The following DGKI variants were observed in gnomAD, a reference collection of about 807,000 sequenced individuals.
DGKI encodes DAG kinase iota.
Under a neutral mutation model 147.5 loss-of-function variants are expected in DGKI, and 55 were observed. That is an observed-to-expected ratio of 0.37 (90% CI 0.30 to 0.47). DGKI has a LOEUF of 0.47. Ranked by LOEUF, DGKI falls within the 20% of genes least tolerant of loss-of-function variation. DGKI has a pLI of 1.00. For missense variants in DGKI, 1,007 were observed against 1,323.8 expected, an observed-to-expected ratio of 0.76 and a Z score of 3.71; for synonymous variants, 469 against 477.1, an observed-to-expected ratio of 0.98 and a Z score of 0.22.
At position 137,831,397 on chromosome 7, in the gene DGKI, G is replaced by A. The variant is rs543739949; in HGVS notation, c.401+15065C>T. On this transcript the variant is annotated intron_variant, in intron 1 of 32. Transcript: ENST00000614521. ...CTGGACTTACAGTTCCACGTGGTTGGGGAGGCCTCACAATCGTGGCAGACG... is the reference window on the plus strand; with the variant it reads ...CTGGACTTACAGTTCCACGTGGTTGAGGAGGCCTCACAATCGTGGCAGACG... Among the ~76,000 whole-genome samples, 2 of 152,336 alleles carry A rather than the reference G, an allele frequency of 1.3e-5. 1 individual carries two copies. The highest frequency in any genetic ancestry group is 4.8e-5 in the African/African-American group (2 of 41,574).
At chr7:137,497,178 A>G (rs1815999469) in intron 21 of DGKI, among the ~76,000 whole-genome samples, 1 of 152,162 alleles carries the variant, frequency 6.6e-6, no homozygotes, top group Non-Finnish European at 1.5e-5. Context: ...CCGGCAATCA[A>G]TCATAGAAAA....
intron 1 of DGKI, among the ~76,000 whole-genome samples, chr7:137,739,833 G>T (rs1364830265): frequency 6.6e-6 from 1 of 152,156 alleles, no homozygotes; most frequent in Admixed American, 6.6e-5. Context: ...CCACTTTCCA[G>T]TTTATTTTTG....
At chr7:137,433,647 C>T (rs1296512769) in intron 28 of DGKI, among the ~76,000 whole-genome samples, 1 of 152,146 alleles carries the variant, frequency 6.6e-6, no homozygotes, top group African/African-American at 2.4e-5. Context: ...TAACAATAGG[C>T]ACAATTCAAT....
At position 137,642,263 on chromosome 7, in the gene DGKI, G is replaced by A. The variant is rs532185851; in HGVS notation, c.804+3209C>T. On this transcript the variant is annotated intron_variant, in intron 6 of 32. Transcript: ENST00000614521. ...TTTGGCCACTAGAACATGAAGATAT[G>A]TGGAGCTGGGTATCTACTGGGTATC... is the stretch of plus-strand genomic sequence containing the variant. Among the ~76,000 whole-genome samples, 10 of 144,454 alleles carry A rather than the reference G, an allele frequency of 6.9e-5. No individual in the cohort carries two copies. In the East Asian group the frequency reaches 1.9e-3, roughly 28 times the overall value. 94.8% of individuals were successfully genotyped at this position (144,454 alleles called of 152,430 possible).
chr7:137,528,530 A>T (rs1432913194), intron 20 of DGKI, among the ~76,000 whole-genome samples: 1 of 152,156 alleles, frequency 6.6e-6, no homozygotes, highest in Admixed American at 6.5e-5. Context: ...TTCTTTTTTG[A>T]TGGAAGTTGA....
At chr7:137,841,971 G>A (rs116563996) in intron 1 of DGKI, among the ~76,000 whole-genome samples, 388 of 152,304 alleles carry the variant, frequency 2.5e-3, no homozygotes, top group African/African-American at 7.3e-3. Flanking sequence ...AGATCACTTA[G>A]AGCAGAATAA....
chr7:137,776,298 A>G (rs1203569018), intron 1 of DGKI, among the ~76,000 whole-genome samples: 2 of 152,234 alleles, frequency 1.3e-5, no homozygotes, highest in Non-Finnish European at 2.9e-5. Flanking sequence ...GCATCAAACA[A>G]AAGATTATAC....
intron 8 of DGKI, among the ~76,000 whole-genome samples, chr7:137,617,504 C>A (rs1820576276): frequency 6.6e-6 from 1 of 151,830 alleles, no homozygotes; most frequent in Admixed American, 6.6e-5. Flanking sequence ...TTAATGCTAT[C>A]TTTTACAGAA....
chr7:137,797,286 C>T (rs188511817), intron 1 of DGKI, among the ~76,000 whole-genome samples: 11 of 152,214 alleles, frequency 7.2e-5, no homozygotes, highest in African/African-American at 4.8e-5. Context: ...ATCCATCCTA[C>T]AAGAAATACT....
intron 30 of DGKI, among the ~76,000 whole-genome samples, chr7:137,403,417 A>G (rs1315397495): frequency 1.3e-5 from 2 of 152,192 alleles, no homozygotes; most frequent in Non-Finnish European, 2.9e-5. Context: ...TAGAAGAGAA[A>G]TCAGTTGCTG....
chr7:137,803,981 T>C, intron 1 of DGKI, among the ~76,000 whole-genome samples: 1 of 152,214 alleles, frequency 6.6e-6, no homozygotes. Context: ...CTTTGCACAA[T>C]TATCTTCTCT....
intron 1 of DGKI, among the ~76,000 whole-genome samples, chr7:137,819,455 C>T (rs912184615): frequency 1.3e-5 from 2 of 152,120 alleles, no homozygotes; most frequent in South Asian, 2.1e-4. Flanking sequence ...GGAATACAGG[C>T]GCCCGCCACC....
intron 1 of DGKI, among the ~76,000 whole-genome samples, chr7:137,741,805 T>C (rs1795180258): frequency 6.6e-6 from 1 of 152,204 alleles, no homozygotes. Flanking sequence ...GTGGGTGATC[T>C]GGAAAAGCAT....
rs539246688 is a variant in DGKI, at chr7:137,716,816, C to T, written c.402-26814G>A. 1.5e-3 allele frequency among the ~76,000 whole-genome samples: 224 copies of T among 152,334 alleles called. 1 individual carries two copies. Among genetic ancestry groups the T allele is most frequent in the African/African-American group, 5.0e-3 (206 of 41,570 alleles). On this transcript the variant is annotated intron_variant, in intron 1 of 32. Coordinates refer to ENST00000614521, the MANE Select transcript of DGKI (RefSeq NM_001321708.2). Reference sequence around the variant, plus strand: ...AAACATTTCACAGTACGATAGCTAGCCTATTCCTTTGCCTCTCCTTCTGTG... The same window carrying T: ...AAACATTTCACAGTACGATAGCTAGTCTATTCCTTTGCCTCTCCTTCTGTG...
At position 137,798,594 on chromosome 7, in the gene DGKI, A is replaced by T. The variant is rs538861017; in HGVS notation, c.401+47868T>A. The stretch of plus-strand genomic sequence containing the variant: ...ACCATCACGCCTAGCTAATTTTTGT[A>T]TTTTTTGTAGAGAGGGTATTTTATC... On this transcript the variant is annotated intron_variant, in intron 1 of 32. Coordinates refer to ENST00000614521, the MANE Select transcript of DGKI (RefSeq NM_001321708.2). Among the ~76,000 whole-genome samples the T allele has an allele frequency of 8.6e-5, 13 of 151,856 alleles. No individual in the cohort carries two copies. The East Asian group carries it at 1.8e-3, about 20-fold the overall frequency.
At chr7:137,596,955 G>A (rs1026580870) in intron 12 of DGKI, among the ~76,000 whole-genome samples, 1 of 152,116 alleles carries the variant, frequency 6.6e-6, no homozygotes, top group African/African-American at 2.4e-5. Context: ...TCCAAATCCG[G>A]AAGAAAAAGA....
rs140626981 is a variant in DGKI, at chr7:137,672,850, G to A, written c.606+5707C>T. 8.0e-3 allele frequency among the ~76,000 whole-genome samples: 1,117 copies of A among 140,282 alleles called. 6 individuals carry two copies. Among genetic ancestry groups the A allele is most frequent in the African/African-American group, 0.029 (1,072 of 36,956 alleles). The allele number at this position is 140,282 out of a possible 152,430, so 92.0% of individuals were successfully genotyped here. ...GGCTGGAGTGCAATGGCACGATCTC[G>A]GCTTACCGCAACCTCCGCCTCCTGG... On this transcript the variant is annotated intron_variant, in intron 3 of 32. Transcript: ENST00000614521.
At chr7:137,402,744 A>G (rs939427384) in intron 30 of DGKI, among the ~76,000 whole-genome samples, 2 of 152,118 alleles carry the variant, frequency 1.3e-5, no homozygotes, top group African/African-American at 2.4e-5. Context: ...CTGCCACAGG[A>G]CAAAAGCTGC....
Position 137,514,247 on chromosome 7 carries a change from T to A in DGKI, c.2248+7619A>T, listed in dbSNP as rs538927036. ...GTTTTAGCTGAAGAATTAAAAAAAA[T>A]AAAATAAAATAAAATCTTATGGGAC... On this transcript the variant is annotated intron_variant, in intron 21 of 32. Coordinates refer to ENST00000614521, the MANE Select transcript of DGKI (RefSeq NM_001321708.2). Among the ~76,000 whole-genome samples the A allele has an allele frequency of 4.5e-4, 69 of 152,228 alleles. No homozygotes were observed. In the South Asian group the frequency reaches 5.0e-3, roughly 11 times the overall value.
Sources: allele counts gnomAD v4.1 joint callset (sites outside exome capture counted in the v4.1 genomes callset), GRCh38; gene constraint gnomAD v4.1.1; transcripts MANE v1.5; gene names NCBI Gene and HGNC (gene_info 2026-07-23, HGNC 2026-07-21).